The following NF1 variants were observed in gnomAD, a reference collection of about 807,000 sequenced individuals.
NF1 encodes neurofibromin 1.
In NF1, 122 loss-of-function variants were observed where a neutral mutation model predicts 325.7. The ratio of observed to expected loss-of-function variants is 0.37; its 90% CI spans 0.32 to 0.44. The LOEUF (loss-of-function observed/expected upper bound fraction) is 0.44. Ranked by LOEUF, NF1 falls within the 20% of genes least tolerant of loss-of-function variation. The pLI, the probability that NF1 is intolerant of heterozygous loss-of-function variation, is 1.00. For missense variants in NF1, 2,140 were observed against 3,415.4 expected, an observed-to-expected ratio of 0.63 and a Z score of 9.31; for synonymous variants, 1,091 against 1,186.0, an observed-to-expected ratio of 0.92 and a Z score of 1.65.
At chr17:31,110,641 G>C (rs765595703) in intron 1 of NF1, among the ~76,000 whole-genome samples, 1 of 152,022 alleles carries the variant, frequency 6.6e-6, no homozygotes, top group Non-Finnish European at 1.5e-5. Context: ...AGCAGACTCA[G>C]AAAATTGAAG....
chr17:31,359,279 T>G, intron 56 of NF1: 1 of 464,714 alleles, frequency 2.2e-6, no homozygotes, highest in Non-Finnish European at 3.9e-6. Flanking sequence ...CTGTGATACT[T>G]TTCTGCCACA....
At position 31,211,712 on chromosome 17, in the gene NF1, A is replaced by G. The variant is rs2066730459; in HGVS notation, c.1393-2739A>G. Reference sequence around the variant, plus strand: ...CAATGGTAAGTATTTGTTTATTCAAACAGAAAAGGTGCAGTAACAATACAG... The same window carrying G: ...CAATGGTAAGTATTTGTTTATTCAAGCAGAAAAGGTGCAGTAACAATACAG... On this transcript the variant is annotated intron_variant, in intron 12 of 57. Coordinates refer to ENST00000358273, the MANE Select transcript of NF1 (RefSeq NM_001042492.3). Among the ~76,000 whole-genome samples, 4 of 152,218 alleles carry G rather than the reference A, an allele frequency of 2.6e-5. No homozygotes were observed. The South Asian group carries it at 8.3e-4, about 31-fold the overall frequency.
At chr17:31,146,065 C>T (rs1567810041) in intron 1 of NF1, among the ~76,000 whole-genome samples, 2 of 152,182 alleles carry the variant, frequency 1.3e-5, no homozygotes, top group Non-Finnish European at 1.5e-5. Context: ...TAGCCTAAAA[C>T]ACACAAAATT....
intron 29 of NF1, among the ~76,000 whole-genome samples, chr17:31,240,360 AC>A (rs2067274844): frequency 6.6e-6 from 1 of 152,144 alleles, no homozygotes; most frequent in Admixed American, 6.5e-5. Flanking sequence ...GGCTTATTTC[AC>A]TTAACATCAT....
chr17:31,223,580 A>T lies in NF1; in HGVS notation c.1845+13A>T, dbSNP rs17885739. On this transcript the variant is annotated intron_variant, in intron 16 of 57. Transcript: ENST00000358273. ...TCTTAAAAATAAGGTAAGCAAAATG[A>T]CATATTTAAAAAATGGAAGAATATT... The T allele has an allele frequency of 1.8e-3, 2,928 of 1,608,344 alleles. 48 individuals carry two copies. In the African/African-American group the frequency reaches 0.032, roughly 18 times the overall value.
chr17:31,248,112 G>C (rs1597734068), intron 29 of NF1, among the ~76,000 whole-genome samples: 2 of 152,070 alleles, frequency 1.3e-5, no homozygotes, highest in Middle Eastern at 3.4e-3. Context: ...TGAGGCAGGA[G>C]AATCACTTGA....
rs17884738 is a variant in NF1, at chr17:31,351,207, C to T, written c.7457+889C>T. Among the ~76,000 whole-genome samples the T allele has an allele frequency of 1.2e-3, 157 of 129,398 alleles. 1 individual carries two copies. Among genetic ancestry groups the T allele is most frequent in the African/African-American group, 3.3e-3 (134 of 40,906 alleles). The allele number at this position is 129,398 out of a possible 152,430, so 84.9% of individuals were successfully genotyped here. A position where few individuals can be genotyped will look rare whatever the true frequency, so the allele number is the denominator to read the frequency against. On this transcript the variant is annotated intron_variant, in intron 50 of 57. Transcript: ENST00000358273. ...GTTTTTAAACAATTGCCTATTTAGACTTAATTTTTTCTGATTTAAAAAAAA... is the reference window on the plus strand; with the variant it reads ...GTTTTTAAACAATTGCCTATTTAGATTTAATTTTTTCTGATTTAAAAAAAA...
chr17:31,373,897 A>G, intron 57 of NF1, 116 bp from the exon 58 acceptor site: 1 of 1,299,218 alleles, frequency 7.7e-7, no homozygotes, highest in South Asian at 1.2e-5. Context: ...CACAGACAAA[A>G]TCGCCTAATG....
chr17:31,141,309 GTT>G (rs74267083), intron 1 of NF1, among the ~76,000 whole-genome samples: 2 of 132,592 alleles, frequency 1.5e-5, no homozygotes, highest in Admixed American at 1.5e-4. Flanking sequence ...TGTTAATCTT[GTT>G]TTTTTTTTTT....
chr17:31,183,813 G>A (rs2066181908), intron 8 of NF1, among the ~76,000 whole-genome samples: 1 of 152,118 alleles, frequency 6.6e-6, no homozygotes, highest in African/African-American at 2.4e-5. Flanking sequence ...TAGCCTCCCA[G>A]CCTACATCTT....
At chr17:31,337,669 G>A (rs573285677) in intron 43 of NF1, 87 bp downstream of exon 43, 8 of 1,434,184 alleles carry the variant, frequency 5.6e-6, no homozygotes, top group Non-Finnish European at 6.8e-6. Flanking sequence ...TTGGTTTATT[G>A]TGCTATTTTG....
At chr17:31,295,940 G>C in intron 36 of NF1, 1 of 1,614,062 alleles carries the variant, frequency 6.2e-7, no homozygotes, top group Non-Finnish European at 8.5e-7. Flanking sequence ...CATGTTCTTA[G>C]AAACATCCAG....
intron 29 of NF1, among the ~76,000 whole-genome samples, chr17:31,241,586 A>T (rs901307745): frequency 1.3e-5 from 2 of 152,228 alleles, no homozygotes; most frequent in Non-Finnish European, 2.9e-5. Flanking sequence ...TAAGCTGATG[A>T]CAAGTTAACA....
At chr17:31,263,020 T>C (rs1399424505) in intron 35 of NF1, among the ~76,000 whole-genome samples, 1 of 66,362 alleles carries the variant, frequency 1.5e-5, no homozygotes. Context: ...TTGTCTTTAT[T>C]AGATAGATAG....
At chr17:31,275,984 C>A (rs17880453) in intron 36 of NF1, among the ~76,000 whole-genome samples, 1,690 of 152,006 alleles carry the variant, frequency 0.011, 15 homozygotes, top group South Asian at 0.02. Flanking sequence ...CCGAGGTGGG[C>A]AGATCACGAG....
At chr17:31,286,039 A>AT (rs1163303906) in intron 36 of NF1, among the ~76,000 whole-genome samples, 1 of 152,140 alleles carries the variant, frequency 6.6e-6, no homozygotes. Context: ...ATATACGAAT[A>AT]TTTTTTACTA....
chr17:31,113,511 A>G (rs1374925224), intron 1 of NF1, among the ~76,000 whole-genome samples: 2 of 149,732 alleles, frequency 1.3e-5, no homozygotes, highest in Admixed American at 1.3e-4. Context: ...CCCAAAGTGC[A>G]TGAGTCACTG....
intron 8 of NF1, among the ~76,000 whole-genome samples, chr17:31,183,969 CT>C: frequency 6.6e-6 from 1 of 152,184 alleles, no homozygotes; most frequent in East Asian, 1.9e-4. Context: ...TTAATATCCC[CT>C]TTATATAAAT....
chr17:31,293,112 A>T (rs2068376350), intron 36 of NF1, among the ~76,000 whole-genome samples: 1 of 139,154 alleles, frequency 7.2e-6, no homozygotes. Context: ...TGGGAGGGGG[A>T]GATTGCAGTC....
Sources: gnomAD v4.1 joint callset for allele counts (sites outside exome capture counted in the v4.1 genomes callset) on GRCh38, gnomAD v4.1.1 for gene constraint, MANE v1.5 for transcripts, NCBI Gene and HGNC (gene_info 2026-07-23, HGNC 2026-07-21) for gene names.